Variants in GALNT18 observed in about 807,000 individuals in gnomAD.
GALNT18 encodes the protein GalNAc-transferase 18.
GALNT18 carries 44 observed loss-of-function variants against 69.5 expected under a neutral mutation model. That is an observed-to-expected ratio of 0.63 (90% CI 0.50 to 0.81). GALNT18 has a LOEUF of 0.81. GALNT18 is among the 40% of genes least tolerant of loss of function. The pLI is 0.00. For missense variants in GALNT18, 715 were observed against 810.0 expected (o/e 0.88, Z 1.42); for synonymous variants, 364 against 318.2 (o/e 1.14, Z -1.53).
At chr11:11,504,785 G>A (rs1290681820) in intron 1 of GALNT18, among the ~76,000 whole-genome samples, 1 of 151,816 alleles carries the variant, frequency 6.6e-6, no homozygotes, top group African/African-American at 2.4e-5. Context: ...ATTGGGTTAT[G>A]GAACATTTAA....
chr11:11,493,267 CAAAAAAAAA>C (rs142149447), intron 1 of GALNT18, among the ~76,000 whole-genome samples: 7 of 71,356 alleles, frequency 9.8e-5, no homozygotes, highest in Non-Finnish European at 1.9e-4. Context: ...TCCTTCATCT[CAAAAAAAAA>C]AAAAAAAAAA....
chr11:11,588,588 C>A (rs1859279736), intron 1 of GALNT18, among the ~76,000 whole-genome samples: 1 of 152,130 alleles, frequency 6.6e-6, no homozygotes, highest in South Asian at 2.1e-4. Context: ...ATCCTCTTCC[C>A]AAATCTGGAT....
At chr11:11,398,160 T>C (rs997610922) in intron 3 of GALNT18, among the ~76,000 whole-genome samples, 5 of 152,234 alleles carry the variant, frequency 3.3e-5, no homozygotes, top group South Asian at 4.1e-4. Context: ...GTGTTCAAGA[T>C]TGCACACTTA....
In GALNT18 at chr11:11,590,570, C is replaced by A. The variant is rs1859332664; in HGVS notation, c.235+30789G>T. Among the ~76,000 whole-genome samples the A allele has an allele frequency of 6.6e-6, 1 of 152,240 alleles. No individual in the cohort carries two copies. Among genetic ancestry groups the A allele is most frequent in the Non-Finnish European group, 1.5e-5 (1 of 68,040 alleles). ...TATACTAGTGAGATATCACTCCCAA[C>A]TTGCTTTTGAATCTGTTTCCTCATT... On this transcript the variant is annotated intron_variant, in intron 1 of 10. Coordinates refer to ENST00000227756, the MANE Select transcript of GALNT18 (RefSeq NM_198516.3). The surrounding 1 kb of genome is among the most constrained non-coding windows in gnomAD (Gnocchi z 4.4).
chr11:11,297,781 T>G lies in GALNT18; in HGVS notation c.1513-4588A>C, dbSNP rs566815248. On this transcript the variant is annotated intron_variant, in intron 9 of 10. Coordinates refer to ENST00000227756, the MANE Select transcript of GALNT18 (RefSeq NM_198516.3). ...GAAACGTCATCCCCGCCCACTCAGC[T>G]CCTCCTCAGCTGCCAATGATTGATT... 2.7e-4 allele frequency among the ~76,000 whole-genome samples: 41 copies of G among 152,218 alleles called. No individual in the cohort carries two copies. In the East Asian group the frequency reaches 7.9e-3, roughly 29 times the overall value.
At chr11:11,290,755 G>A (rs150411233) in intron 10 of GALNT18, among the ~76,000 whole-genome samples, 126 of 152,150 alleles carry the variant, frequency 8.3e-4, no homozygotes, top group African/African-American at 1.1e-3. Context: ...GGTTCCATTC[G>A]TTCCATTCAC....
rs1220204354 is a variant in GALNT18, at chr11:11,618,041, T to C, written c.235+3318A>G. On this transcript the variant is annotated intron_variant, in intron 1 of 10. Coordinates refer to ENST00000227756, the MANE Select transcript of GALNT18 (RefSeq NM_198516.3). The surrounding 1 kb of genome is among the most constrained non-coding windows in gnomAD (Gnocchi z 6.1). ...GATTCCCAAACACCATCTAATTAAA[T>C]CATTCAATCAGAAAACAAATTAAAA... is the stretch of plus-strand genomic sequence containing the variant. Among the ~76,000 whole-genome samples, 2 of 152,160 alleles carry C rather than the reference T, an allele frequency of 1.3e-5. 1 individual carries two copies. Among genetic ancestry groups the C allele is most frequent in the Non-Finnish European group, 2.9e-5 (2 of 68,046 alleles).
At chr11:11,554,950 C>G (rs1019196010) in intron 1 of GALNT18, among the ~76,000 whole-genome samples, 1 of 152,180 alleles carries the variant, frequency 6.6e-6, no homozygotes, top group African/African-American at 2.4e-5. Context: ...GCTGGTCCTG[C>G]GCAGCCTCCT....
chr11:11,513,712 C>T (rs965960798), intron 1 of GALNT18, among the ~76,000 whole-genome samples: 3 of 152,310 alleles, frequency 2.0e-5, no homozygotes, highest in African/African-American at 4.8e-5. Flanking sequence ...TTTCCCGGGA[C>T]GTTTACATAG....
chr11:11,365,047 T>A (rs1843784), intron 6 of GALNT18, among the ~76,000 whole-genome samples: 36,116 of 152,108 alleles, frequency 0.24, 4,889 homozygotes, highest in Middle Eastern at 0.31. Context: ...CTTCTAAAAA[T>A]GGGATACGAG....
chr11:11,513,308 A>C (rs1857201150), intron 1 of GALNT18, among the ~76,000 whole-genome samples: 1 of 152,226 alleles, frequency 6.6e-6, no homozygotes, highest in Admixed American at 6.5e-5. Flanking sequence ...AAAAGGAATT[A>C]GCACAGTGCT....
At chr11:11,286,493 T>C (rs1590009030) in intron 10 of GALNT18, among the ~76,000 whole-genome samples, 1 of 112,322 alleles carries the variant, frequency 8.9e-6, no homozygotes, top group South Asian at 2.7e-4. Context: ...GTTAGATGAC[T>C]TTTTTTTTTC....
At chr11:11,316,449 A>C (rs746220007) in intron 9 of GALNT18, among the ~76,000 whole-genome samples, 1 of 152,186 alleles carries the variant, frequency 6.6e-6, no homozygotes, top group Non-Finnish European at 1.5e-5. Context: ...CCCTGCGGAC[A>C]CTGGGGCCAA....
chr11:11,322,511 A>C (rs1849855719), intron 9 of GALNT18, among the ~76,000 whole-genome samples: 1 of 152,244 alleles, frequency 6.6e-6, no homozygotes, highest in East Asian at 1.9e-4. Context: ...ATTCAAGGAT[A>C]ACATGAAGAC....
chr11:11,480,173 C>T lies in GALNT18; in HGVS notation c.236-31237G>A, dbSNP rs751517805. 6.6e-6 allele frequency among the ~76,000 whole-genome samples: 1 copy of T among 152,152 alleles called. No homozygotes were observed. The highest frequency in any genetic ancestry group is 1.5e-5 in the Non-Finnish European group (1 of 68,032). Reference sequence around the variant, plus strand: ...CTATCTGAAACATCATCTCCCAGAACAAGCCATGGGTGGTAGCCACAAAAT... The same window carrying T: ...CTATCTGAAACATCATCTCCCAGAATAAGCCATGGGTGGTAGCCACAAAAT... On this transcript the variant is annotated intron_variant, in intron 1 of 10. Coordinates refer to ENST00000227756, the MANE Select transcript of GALNT18 (RefSeq NM_198516.3). The surrounding 1 kb of genome is among the most constrained non-coding windows in gnomAD (Gnocchi z 4.6).
intron 1 of GALNT18, among the ~76,000 whole-genome samples, chr11:11,588,116 A>G (rs1427407789): frequency 6.6e-6 from 1 of 151,828 alleles, no homozygotes; most frequent in Admixed American, 6.6e-5. Context: ...CCAAACCTAC[A>G]CACCCATCTG....
chr11:11,567,094 G>A (rs1858673239), intron 1 of GALNT18, among the ~76,000 whole-genome samples: 1 of 152,152 alleles, frequency 6.6e-6, no homozygotes, highest in Non-Finnish European at 1.5e-5. Context: ...AGCCAGTATG[G>A]AATTTCCTGC....
chr11:11,613,779 G>A lies in GALNT18; in HGVS notation c.235+7580C>T, dbSNP rs1195061761. On this transcript the variant is annotated intron_variant, in intron 1 of 10. Transcript: ENST00000227756. This position sits in a 1 kb window ranked among gnomAD's most constrained non-coding sequence, Gnocchi z 4.2. The stretch of plus-strand genomic sequence containing the variant: ...CATGGTCCACCATTCATTGATGGTG[G>A]CTTAGCCACCAGTGGACCTCAGTCA... Among the ~76,000 whole-genome samples the A allele has an allele frequency of 2.0e-5, 3 of 152,222 alleles. No individual in the cohort carries two copies. The highest frequency in any genetic ancestry group is 6.5e-5 in the Admixed American group (1 of 15,284).
At chr11:11,428,885 CGTGT>C (rs1208851104) in intron 3 of GALNT18, among the ~76,000 whole-genome samples, 2 of 152,156 alleles carry the variant, frequency 1.3e-5, no homozygotes, top group African/African-American at 4.8e-5. Context: ...GTGTTCCCAT[CGTGT>C]GTGTATGGGT....
Sources: allele counts gnomAD v4.1 joint callset (sites outside exome capture counted in the v4.1 genomes callset), GRCh38; gene constraint gnomAD v4.1.1; non-coding constraint Gnocchi (gnomAD v3.1); transcripts MANE v1.5; gene names NCBI Gene and HGNC (gene_info 2026-07-23, HGNC 2026-07-21).